The following OR9Q2 variants were observed in gnomAD, a reference collection of about 807,000 sequenced individuals.
OR9Q2 encodes olfactory receptor family 9 subfamily Q member 2.
Under a neutral mutation model 2.3 loss-of-function variants are expected in OR9Q2, and 2 were observed. That is an observed-to-expected ratio of 0.85 (90% confidence interval 0.35 to 2.68). The LOEUF is 2.68. Among genes scored for constraint, OR9Q2 ranks in the 30% most tolerant of loss-of-function variants. The pLI is 0.10. For synonymous variants in OR9Q2, 178 were observed against 158.6 expected (o/e 1.12, Z -0.92); for missense variants, 404 against 395.7 (o/e 1.02, Z -0.18).
chr11:58,190,664 G>C lies in OR9Q2; in HGVS notation c.174G>C (p.Pro58=), dbSNP rs61902822. 6.2e-7 allele frequency: 1 copy of C among 1,613,984 alleles called. No individual in the cohort carries two copies. The highest frequency in any genetic ancestry group is 8.5e-7 in the Non-Finnish European group (1 of 1,180,020). ...GTGGCGATCGTCGGCTCCACACCCC[G>C]ATGTACTTCTTCCTCAGCCACCTTT... The part of the protein sequence containing the change: ...LIRGDRRLHT[P]MYFFLSHLSL... Residue 58 remains proline, a synonymous_variant, in exon 2 of 2, where the codon CCG becomes CCC. Transcript: ENST00000641291.
At position 58,191,098 on chromosome 11, in the gene OR9Q2, C is replaced by T; in HGVS notation, c.608C>T (p.Ala203Val). The change falls in exon 2 of 2, where the codon GCT (alanine) becomes GTT (valine). Residue 203 changes from alanine to valine, a missense_variant. Transcript: ENST00000641291. ...YTQEVVIIVF[A>V]LFVMPACILV... ...CAGGAAGTGGTGATTATTGTGTTTG[C>T]TCTTTTCGTCATGCCTGCCTGTATC... 1 of 1,614,198 alleles carries T rather than the reference C, an allele frequency of 6.2e-7. No individual in the cohort carries two copies. Among genetic ancestry groups the T allele is most frequent in the East Asian group, 2.2e-5 (1 of 44,884 alleles).
In OR9Q2 at chr11:58,190,510, C is replaced by T. The variant is rs1164389077; in HGVS notation, c.20C>T (p.Thr7Ile). 1.2e-6 allele frequency: 2 copies of T among 1,613,284 alleles called. No homozygotes were observed. The highest frequency in any genetic ancestry group is 1.7e-6 in the Non-Finnish European group (2 of 1,179,480). The change falls in exon 2 of 2, where the codon ACC becomes ATC. Residue 7 changes from threonine to isoleucine, a missense_variant. Coordinates refer to ENST00000641291, the MANE Select transcript of OR9Q2 (RefSeq NM_001005283.3). ...GGATGGATGGCTGAAAGGAATTACA[C>T]CGTAGTGACGGAGTTCTTCCTTACT... MAERNYTVVTEFFLTAF... is the reference protein window; with the variant it reads MAERNYIVVTEFFLTAF...
rs534589498 is a variant in OR9Q2, at chr11:58,193,132, A to G, written c.*1697A>G. The G allele has an allele frequency of 6.6e-6, 1 of 152,330 alleles. No individual in the cohort carries two copies. Among genetic ancestry groups the G allele is most frequent in the African/African-American group, 2.4e-5 (1 of 41,582 alleles). 9.4% of individuals were successfully genotyped at this position (152,330 alleles called of 1,614,324 possible). A position where few individuals can be genotyped will look rare whatever the true frequency, so the allele number is the denominator to read the frequency against. On this transcript the variant is annotated 3_prime_UTR_variant, in exon 2 of 2. Coordinates refer to ENST00000641291, the MANE Select transcript of OR9Q2 (RefSeq NM_001005283.3). ...GAAGGCATTCGGTAATATTATAAAC[A>G]TTATTTAGTGTTATTAATTACTGTT...
Position 58,190,398 on chromosome 11 carries a change from T to G in OR9Q2, c.-93T>G. On this transcript the variant is annotated 5_prime_UTR_variant, in exon 2 of 2. Transcript: ENST00000641291. ...GTGCCGACATGTAAGACATTCAATT[T>G]AAAGCTTTGTTACTTGAAATCATTT... 1.2e-6 allele frequency: 1 copy of G among 831,454 alleles called. No homozygotes were observed. The highest frequency in any genetic ancestry group is 2.0e-6 in the Non-Finnish European group (1 of 510,282). The allele number at this position is 831,454 out of a possible 1,614,324, so 51.5% of individuals were successfully genotyped here.
In OR9Q2 at chr11:58,191,500, C is replaced by G. The variant is rs1451317; in HGVS notation, c.*65C>G. ...TCTTTTCTGTCTTTTCTCAATAGCA[C>G]CTTCTGGAGAGACTTTCCTAAATAA... On this transcript the variant is annotated 3_prime_UTR_variant, in exon 2 of 2. Coordinates refer to ENST00000641291, the MANE Select transcript of OR9Q2 (RefSeq NM_001005283.3). The G allele has an allele frequency of 8.7e-7, 1 of 1,154,438 alleles. No homozygotes were observed. Among genetic ancestry groups the G allele is most frequent in the Non-Finnish European group, 1.2e-6 (1 of 814,470 alleles). The allele number at this position is 1,154,438 out of a possible 1,614,324, so 71.5% of individuals were successfully genotyped here.
chr11:58,190,647 C>G lies in OR9Q2; in HGVS notation c.157C>G (p.Arg53Gly), dbSNP rs751860372. 6.2e-7 allele frequency: 1 copy of G among 1,614,180 alleles called. No homozygotes were observed. The highest frequency in any genetic ancestry group is 8.5e-7 in the Non-Finnish European group (1 of 1,180,030). The stretch of plus-strand genomic sequence containing the variant: ...CATGATCCTCCTGATCCGTGGCGAT[C>G]GTCGGCTCCACACCCCGATGTACTT... ...TGMILLIRGD[R>G]RLHTPMYFFL... Residue 53 changes from arginine (R) to glycine (G), a missense_variant, in exon 2 of 2, where the codon CGT becomes GGT. By Grantham distance (125) the Arg-to-Gly change is moderately radical. Transcript: ENST00000641291.
At position 58,190,894 on chromosome 11, in the gene OR9Q2, T is replaced by A. The variant is rs1315986593; in HGVS notation, c.404T>A (p.Ile135Asn). 1 of 1,614,214 alleles carries A rather than the reference T, an allele frequency of 6.2e-7. No individual in the cohort carries two copies. Among genetic ancestry groups the A allele is most frequent in the East Asian group, 2.2e-5 (1 of 44,868 alleles). ...TGCCAGCCCCTGCTTTATGTCACCA[T>A]CATAACCGAGAAGGCCCGCTGGGGC... ...AVCQPLLYVT[I>N]ITEKARWGLV... Residue 135 changes from isoleucine to asparagine, a missense_variant, in exon 2 of 2, where the codon ATC (isoleucine) becomes AAC (asparagine). Physicochemically the swap from Ile to Asn is moderately radical, Grantham distance 149. Transcript: ENST00000641291.
In OR9Q2 at chr11:58,191,312, G is replaced by A. The variant is rs1854761876; in HGVS notation, c.822G>A (p.Val274=). The change falls in exon 2 of 2, where the codon GTG becomes GTA. Residue 274 remains valine (V), a synonymous_variant. Coordinates refer to ENST00000641291, the MANE Select transcript of OR9Q2 (RefSeq NM_001005283.3). ...AGTCCTCCGAGGGAGACCGAGTGGT[G>A]TCTGTGCTCTACACGGTGGTGACCC... The part of the protein sequence containing the change: ...TGQSSEGDRV[V]SVLYTVVTPM... 21 of 1,613,992 alleles carry A rather than the reference G, an allele frequency of 1.3e-5. No homozygotes were observed. The highest frequency in any genetic ancestry group is 1.4e-5 in the Non-Finnish European group (17 of 1,179,984).
chr11:58,190,781 T>A lies in OR9Q2; in HGVS notation c.291T>A (p.Cys97Ter). The A allele has an allele frequency of 6.2e-7, 1 of 1,614,222 alleles. No homozygotes were observed. The highest frequency in any genetic ancestry group is 8.5e-7 in the Non-Finnish European group (1 of 1,180,038). The stretch of plus-strand genomic sequence containing the variant: ...GCACAACCATCTCCCAGGCTCGCTG[T>A]GCAGCTCAGTTCTTCCTCTTCACCT... ...EHGTTISQAR[C>*]AAQFFLFTFF... Residue 97 changes from cysteine (C) to a stop codon, truncating the protein, a stop_gained, in exon 2 of 2, where the codon TGT (cysteine) becomes TGA (stop). Coordinates refer to ENST00000641291, the MANE Select transcript of OR9Q2 (RefSeq NM_001005283.3). LOFTEE classifies it high-confidence loss of function.
In OR9Q2 at chr11:58,190,744, T is replaced by C. The variant is rs779672516; in HGVS notation, c.254T>C (p.Leu85Pro). The C allele has an allele frequency of 6.2e-7, 1 of 1,614,200 alleles. No homozygotes were observed. The highest frequency in any genetic ancestry group is 8.5e-7 in the Non-Finnish European group (1 of 1,180,014). Residue 85 changes from leucine to proline, a missense_variant, in exon 2 of 2, where the codon CTG (leucine) becomes CCG (proline). Transcript: ENST00000641291. ...SAIIPQMLAV[L>P]WEHGTTISQA... The stretch of plus-strand genomic sequence containing the variant: ...ATCATCCCTCAGATGCTGGCTGTGC[T>C]GTGGGAGCACGGCACAACCATCTCC...
Position 58,191,257 on chromosome 11 carries a change from T to A in OR9Q2, c.767T>A (p.Ile256Asn). ...GTCGCTCTTTTCTTTGGCACCCTCA[T>A]CTTCATGTACCTGCGAGACAACACA... is the stretch of plus-strand genomic sequence containing the variant. Reference protein sequence around the residue: ...TAVALFFGTLIFMYLRDNTGQ... With the variant: ...TAVALFFGTLNFMYLRDNTGQ... Residue 256 changes from isoleucine to asparagine, a missense_variant, in exon 2 of 2, where the codon ATC (isoleucine) becomes AAC (asparagine). Coordinates refer to ENST00000641291, the MANE Select transcript of OR9Q2 (RefSeq NM_001005283.3). 6.2e-7 allele frequency: 1 copy of A among 1,614,082 alleles called. No individual in the cohort carries two copies. The highest frequency in any genetic ancestry group is 8.5e-7 in the Non-Finnish European group (1 of 1,180,014).
Position 58,192,560 on chromosome 11 carries a change from T to C in OR9Q2, c.*1125T>C, listed in dbSNP as rs569649171. The C allele has an allele frequency of 6.6e-6, 1 of 152,280 alleles. No homozygotes were observed. Among genetic ancestry groups the C allele is most frequent in the African/African-American group, 2.4e-5 (1 of 41,562 alleles). The allele number at this position is 152,280 out of a possible 1,614,324, so 9.4% of individuals were successfully genotyped here. A position where few individuals can be genotyped will look rare whatever the true frequency, so the allele number is the denominator to read the frequency against. On this transcript the variant is annotated 3_prime_UTR_variant, in exon 2 of 2. Transcript: ENST00000641291. ...ATAGCCCCTATGTTCTAGGATTGTATAATGTGACTTTGTGTATATATGTGT... is the reference window on the plus strand; with the variant it reads ...ATAGCCCCTATGTTCTAGGATTGTACAATGTGACTTTGTGTATATATGTGT...
At chr11:58,190,261 C>T (rs1364232109) in intron 1 of OR9Q2, 58 bp from the exon 2 acceptor site, 2 of 501,510 alleles carry the variant, frequency 4.0e-6, no homozygotes, top group Non-Finnish European at 7.0e-6. Flanking sequence ...TCAGGAATCA[C>T]TTGCTCTCTG....
At position 58,192,900 on chromosome 11, in the gene OR9Q2, T is replaced by C. The variant is rs1007835375; in HGVS notation, c.*1465T>C. ...AGCACACCAACATCTGTGGTGGGTG[T>C]TAGACATATTTGTGTTGTGGAAAGA... On this transcript the variant is annotated 3_prime_UTR_variant, in exon 2 of 2. Transcript: ENST00000641291. 11 of 152,150 alleles carry C rather than the reference T, an allele frequency of 7.2e-5. No individual in the cohort carries two copies. Among genetic ancestry groups the C allele is most frequent in the Non-Finnish European group, 1.5e-4 (10 of 68,030 alleles). 9.4% of individuals were successfully genotyped at this position (152,150 alleles called of 1,614,324 possible).
chr11:58,193,586 CTCTTATCTGAT>C lies in OR9Q2; in HGVS notation c.*2152_*2162del, dbSNP rs1358425735. On this transcript the variant is annotated 3_prime_UTR_variant, in exon 2 of 2. Transcript: ENST00000641291. ...CAGGTCTCTGACTCCAAAGTACATACTCTTATCTGATAACTGCCCTTCTGCACTCTTTCTTC... is the reference window on the plus strand; with the variant it reads ...CAGGTCTCTGACTCCAAAGTACATACAACTGCCCTTCTGCACTCTTTCTTC... 1 of 152,208 alleles carries C rather than the reference CTCTTATCTGAT, an allele frequency of 6.6e-6. No homozygotes were observed. Among genetic ancestry groups the C allele is most frequent in the Non-Finnish European group, 1.5e-5 (1 of 68,036 alleles). The allele number at this position is 152,208 out of a possible 1,614,324, so 9.4% of individuals were successfully genotyped here.
At position 58,191,378 on chromosome 11, in the gene OR9Q2, G is replaced by A. The variant is rs1307889531; in HGVS notation, c.888G>A (p.Glu296=). 12 of 1,613,634 alleles carry A rather than the reference G, an allele frequency of 7.4e-6. No homozygotes were observed. The highest frequency in any genetic ancestry group is 9.3e-6 in the Non-Finnish European group (11 of 1,179,868). Residue 296 remains glutamate (E), a synonymous_variant, in exon 2 of 2, where the codon GAG becomes GAA. Coordinates refer to ENST00000641291, the MANE Select transcript of OR9Q2 (RefSeq NM_001005283.3). ...NPLIYSLRNK[E]VKEATRKALS... Reference sequence around the variant, plus strand: ...TTATCTATAGCCTGAGAAACAAGGAGGTAAAAGAGGCCACTAGGAAAGCCC... The same window carrying A: ...TTATCTATAGCCTGAGAAACAAGGAAGTAAAAGAGGCCACTAGGAAAGCCC...
chr11:58,190,486 G>A lies in OR9Q2; in HGVS notation c.-5G>A, dbSNP rs780452584. The A allele has an allele frequency of 6.8e-6, 11 of 1,607,016 alleles. No individual in the cohort carries two copies. The highest frequency in any genetic ancestry group is 9.4e-6 in the Non-Finnish European group (11 of 1,174,634). On this transcript the variant is annotated 5_prime_UTR_variant, in exon 2 of 2. Coordinates refer to ENST00000641291, the MANE Select transcript of OR9Q2 (RefSeq NM_001005283.3). ...CTTAGCCGTTGCAGGTGAACCACTG[G>A]ATGGATGGCTGAAAGGAATTACACC...
Position 58,191,474 on chromosome 11 carries a change from A to G in OR9Q2, c.*39A>G, listed in dbSNP as rs771783129. ...AAATATATCATTCCTTAGTTTCCCC[A>G]TCTTTTCTGTCTTTTCTCAATAGCA... On this transcript the variant is annotated 3_prime_UTR_variant, in exon 2 of 2. Coordinates refer to ENST00000641291, the MANE Select transcript of OR9Q2 (RefSeq NM_001005283.3). The G allele has an allele frequency of 1.2e-5, 17 of 1,410,592 alleles. No homozygotes were observed. The highest frequency in any genetic ancestry group is 1.5e-5 in the Non-Finnish European group (16 of 1,035,920). 87.4% of individuals were successfully genotyped at this position (1,410,592 alleles called of 1,614,324 possible).
intron 1 of OR9Q2, among the ~76,000 whole-genome samples, chr11:58,189,922 A>G (rs1255016062): frequency 6.6e-6 from 1 of 152,240 alleles, no homozygotes; most frequent in Non-Finnish European, 1.5e-5. Context: ...GACTGAGAAT[A>G]GTAATATTCC....
Sources: allele counts gnomAD v4.1 joint callset (sites outside exome capture counted in the v4.1 genomes callset), GRCh38; gene constraint gnomAD v4.1.1; transcripts MANE v1.5; gene names NCBI Gene and HGNC (gene_info 2026-07-23, HGNC 2026-07-21).